ADCY2: variants seen among roughly 807,000 people sequenced by gnomAD.
The protein encoded by ADCY2 is adenylate cyclase 2.
Under a neutral mutation model 125.2 loss-of-function variants are expected in ADCY2, and 31 were observed. The observed-to-expected ratio is 0.25, with a 90% CI of 0.19 to 0.33. The LOEUF (loss-of-function observed/expected upper bound fraction) is 0.33. ADCY2 is among the 10% of genes least tolerant of loss of function. ADCY2 has a pLI of 1.00. For missense variants in ADCY2, 904 were observed against 1,418.2 expected, an observed-to-expected ratio of 0.64 and a Z score of 5.82; for synonymous variants, 512 against 548.4, an observed-to-expected ratio of 0.93 and a Z score of 0.93.
At chr5:7,614,384 G>A (rs963928400) in intron 3 of ADCY2, among the ~76,000 whole-genome samples, 1 of 152,004 alleles carries the variant, frequency 6.6e-6, no homozygotes, top group Non-Finnish European at 1.5e-5. Flanking sequence ...TCACCTTTCT[G>A]TCTGTATAAA....
chr5:7,431,069 T>C (rs946377295), intron 2 of ADCY2, among the ~76,000 whole-genome samples: 5 of 152,302 alleles, frequency 3.3e-5, no homozygotes, highest in Non-Finnish European at 1.5e-5. Flanking sequence ...CTAAAATGTA[T>C]ATGGAAATGC....
chr5:7,490,192 T>C (rs1197895821), intron 2 of ADCY2, among the ~76,000 whole-genome samples: 1 of 152,234 alleles, frequency 6.6e-6, no homozygotes, highest in Non-Finnish European at 1.5e-5. Context: ...CTTTTTCTTA[T>C]TACAACTAGT....
intron 3 of ADCY2, among the ~76,000 whole-genome samples, chr5:7,557,248 C>T (rs1735555811): frequency 8.0e-6 from 1 of 125,452 alleles, no homozygotes; most frequent in African/African-American, 2.6e-5. Flanking sequence ...GGAAGAGATG[C>T]TCAACCTCCC....
At chr5:7,558,024 T>A (rs1487771854) in intron 3 of ADCY2, among the ~76,000 whole-genome samples, 2 of 151,960 alleles carry the variant, frequency 1.3e-5, no homozygotes, top group Admixed American at 6.6e-5. Flanking sequence ...CTCACCAGCA[T>A]CTGTTGTTTT....
chr5:7,489,133 C>T (rs1743058843), intron 2 of ADCY2, among the ~76,000 whole-genome samples: 1 of 152,158 alleles, frequency 6.6e-6, no homozygotes, highest in African/African-American at 2.4e-5. Flanking sequence ...TACTGTGAAA[C>T]ATGCGTCTTG....
chr5:7,705,181 A>G (rs552989950), intron 7 of ADCY2, among the ~76,000 whole-genome samples: 1 of 152,352 alleles, frequency 6.6e-6, no homozygotes, highest in Non-Finnish European at 1.5e-5. Flanking sequence ...ATCATTGCTC[A>G]AAGACAGAAG....
chr5:7,552,130 G>A (rs1256043616), intron 3 of ADCY2, among the ~76,000 whole-genome samples: 1 of 152,092 alleles, frequency 6.6e-6, no homozygotes, highest in African/African-American at 2.4e-5. Context: ...GTAATAAATT[G>A]GCCATAATTG....
At chr5:7,739,027 G>A (rs777147944) in intron 14 of ADCY2, among the ~76,000 whole-genome samples, 5 of 151,844 alleles carry the variant, frequency 3.3e-5, no homozygotes, top group Admixed American at 6.6e-5. Context: ...GAATATATAG[G>A]AGGTCTGAGC....
intron 3 of ADCY2, among the ~76,000 whole-genome samples, chr5:7,588,724 C>T (rs559276615): frequency 1.1e-4 from 16 of 152,084 alleles, no homozygotes; most frequent in South Asian, 2.1e-4. Context: ...TCATGTGTCA[C>T]GAAACATTAT....
In ADCY2 at chr5:7,717,119, A is replaced by T. The variant is rs376301910; in HGVS notation, c.1623-38A>T. The T allele has an allele frequency of 3.5e-5, 48 of 1,389,216 alleles. No individual in the cohort carries two copies. The African/African-American group carries it at 6.8e-4, about 20-fold the overall frequency. 86.1% of individuals were successfully genotyped at this position (1,389,216 alleles called of 1,614,324 possible). A position where few individuals can be genotyped will look rare whatever the true frequency, so the allele number is the denominator to read the frequency against. On this transcript the variant is annotated intron_variant, in intron 11 of 24. Coordinates refer to ENST00000338316, the MANE Select transcript of ADCY2 (RefSeq NM_020546.3). The stretch of plus-strand genomic sequence containing the variant: ...AATTGGCTTAATATTTATTTTACTA[A>T]TAATATCCTTACCCATAATATTCCA...
At chr5:7,677,851 T>A (rs978354707) in intron 4 of ADCY2, among the ~76,000 whole-genome samples, 3 of 152,206 alleles carry the variant, frequency 2.0e-5, no homozygotes, top group African/African-American at 7.2e-5. Context: ...TAATGCTTCC[T>A]AAACCAAGCC....
At chr5:7,522,444 C>A (rs1486530547) in intron 3 of ADCY2, 1 of 151,968 alleles carries the variant, frequency 6.6e-6, no homozygotes, top group Non-Finnish European at 1.5e-5. Context: ...ACAATCTCTA[C>A]CCCAGCCTTC....
chr5:7,569,275 A>G (rs1735999765), intron 3 of ADCY2, among the ~76,000 whole-genome samples: 1 of 152,104 alleles, frequency 6.6e-6, no homozygotes, highest in Non-Finnish European at 1.5e-5. Context: ...TAACAGAGAG[A>G]TCTAAGAATG....
intron 18 of ADCY2, among the ~76,000 whole-genome samples, chr5:7,773,341 T>C (rs1743615928): frequency 6.6e-6 from 1 of 152,190 alleles, no homozygotes; most frequent in Admixed American, 6.5e-5. Flanking sequence ...AGAACTGTGT[T>C]ATAACTGTAC....
At chr5:7,658,585 A>G (rs992769096) in intron 4 of ADCY2, among the ~76,000 whole-genome samples, 2 of 152,142 alleles carry the variant, frequency 1.3e-5, no homozygotes, top group African/African-American at 2.4e-5. Flanking sequence ...ACACCCACCA[A>G]GAAGTGTATT....
chr5:7,456,083 T>G (rs10044866), intron 2 of ADCY2, among the ~76,000 whole-genome samples: 2,303 of 151,834 alleles, frequency 0.015, 60 homozygotes, highest in African/African-American at 0.052. Flanking sequence ...AGTAGTCCTA[T>G]TATATAAAAA....
intron 2 of ADCY2, among the ~76,000 whole-genome samples, chr5:7,435,543 T>C (rs1206751647): frequency 1.3e-5 from 2 of 152,242 alleles, no homozygotes; most frequent in African/African-American, 4.8e-5. Flanking sequence ...TCTCATTGCA[T>C]TTAAGCTGTT....
intron 14 of ADCY2, among the ~76,000 whole-genome samples, chr5:7,742,748 G>A (rs1449929494): frequency 1.3e-5 from 2 of 152,112 alleles, no homozygotes; most frequent in Non-Finnish European, 2.9e-5. Flanking sequence ...GCTTATATCT[G>A]GTTCTTCCAT....
chr5:7,711,135 G>A (rs1741426272), intron 10 of ADCY2, among the ~76,000 whole-genome samples: 8 of 152,170 alleles, frequency 5.3e-5, no homozygotes, highest in Admixed American at 5.2e-4. Flanking sequence ...CCAAGATGGA[G>A]GCATGAATGT....
Sources: gnomAD v4.1 joint callset for allele counts (sites outside exome capture counted in the v4.1 genomes callset) on GRCh38, gnomAD v4.1.1 for gene constraint, MANE v1.5 for transcripts, NCBI Gene and HGNC (gene_info 2026-07-23, HGNC 2026-07-21) for gene names.